The following ARIH1 variants were observed in gnomAD, a reference collection of about 807,000 sequenced individuals.
The protein encoded by ARIH1 is E3 ubiquitin-protein ligase ARIH1.
ARIH1 carries 8 observed loss-of-function variants against 85.0 expected under a neutral mutation model. That is an observed-to-expected ratio of 0.09 (90% CI 0.06 to 0.17). The LOEUF (loss-of-function observed/expected upper bound fraction) is 0.17, where lower values mean the gene tolerates loss of function less well. ARIH1 is among the 10% of genes least tolerant of loss of function. The pLI is 1.00. For synonymous variants in ARIH1, 238 were observed against 253.6 expected, an observed-to-expected ratio of 0.94 and a Z score of 0.59; for missense variants, 311 against 718.1, an observed-to-expected ratio of 0.43 and a Z score of 6.48.
intron 10 of ARIH1, among the ~76,000 whole-genome samples, chr15:72,571,297 TTCTTCA>T (rs1476622733): frequency 2.0e-5 from 3 of 152,214 alleles, no homozygotes; most frequent in Admixed American, 1.3e-4. Context: ...GTAAATTTTA[TTCTTCA>T]TCTTCTCAAT....
Position 72,474,456 on chromosome 15 carries a change from C to A in ARIH1, c.-184C>A. On this transcript the variant is annotated 5_prime_UTR_variant, in exon 1 of 14. Coordinates refer to ENST00000379887, the MANE Select transcript of ARIH1 (RefSeq NM_005744.5). ...TCGCTCCCTCCCTCCCTCCTCCGCG[C>A]CCTCCCCGCCGCCACCAGCCGTCAA... 1.3e-6 allele frequency: 1 copy of A among 758,642 alleles called. No individual in the cohort carries two copies. The highest frequency in any genetic ancestry group is 2.0e-6 in the Non-Finnish European group (1 of 496,444). 47.0% of individuals were successfully genotyped at this position (758,642 alleles called of 1,614,324 possible).
In ARIH1 at chr15:72,593,355, G is replaced by A. The variant is rs900059166; in HGVS notation, c.*10063G>A. Reference sequence around the variant, plus strand: ...TATTCACTTATTGGGATCTTTCGATGAACAAATTTTTTTTATAAAATCCAC... The same window carrying A: ...TATTCACTTATTGGGATCTTTCGATAAACAAATTTTTTTTATAAAATCCAC... On this transcript the variant is annotated 3_prime_UTR_variant, in exon 14 of 14. Transcript: ENST00000379887. 4.6e-5 allele frequency: 7 copies of A among 152,016 alleles called. No homozygotes were observed. The highest frequency in any genetic ancestry group is 1.7e-4 in the African/African-American group (7 of 41,398). The allele number at this position is 152,016 out of a possible 1,614,324, so 9.4% of individuals were successfully genotyped here. A position where few individuals can be genotyped will look rare whatever the true frequency, so the allele number is the denominator to read the frequency against.
In ARIH1 at chr15:72,588,274, T is replaced by G. The variant is rs2064326336; in HGVS notation, c.*4982T>G. 2 of 152,190 alleles carry G rather than the reference T, an allele frequency of 1.3e-5. No individual in the cohort carries two copies. Among genetic ancestry groups the G allele is most frequent in the South Asian group, 4.1e-4 (2 of 4,824 alleles). The allele number at this position is 152,190 out of a possible 1,614,324, so 9.4% of individuals were successfully genotyped here. A position where few individuals can be genotyped will look rare whatever the true frequency, so the allele number is the denominator to read the frequency against. On this transcript the variant is annotated 3_prime_UTR_variant, in exon 14 of 14. Transcript: ENST00000379887. ...AAGAAAACCCGGCCATGGGCAGTTT[T>G]TTTTTCCCAGCTTCTACTAGTCTTG... is the stretch of plus-strand genomic sequence containing the variant.
chr15:72,589,821 AT>A lies in ARIH1; in HGVS notation c.*6534del, dbSNP rs1344063633. 5.9e-5 allele frequency: 9 copies of A among 151,838 alleles called. No individual in the cohort carries two copies. The highest frequency in any genetic ancestry group is 2.9e-5 in the Non-Finnish European group (2 of 67,936). 9.4% of individuals were successfully genotyped at this position (151,838 alleles called of 1,614,324 possible). On this transcript the variant is annotated 3_prime_UTR_variant, in exon 14 of 14. Coordinates refer to ENST00000379887, the MANE Select transcript of ARIH1 (RefSeq NM_005744.5). ...CAAATGCTTTGTTTCCATCTCGTTT[AT>A]TTTTATTTTTTATTTTTTTAAGAGA...
chr15:72,513,324 C>G (rs1290089581), intron 1 of ARIH1, among the ~76,000 whole-genome samples: 3 of 151,974 alleles, frequency 2.0e-5, no homozygotes. Flanking sequence ...TTAGTGGTTG[C>G]TCTAGGGAGT....
At chr15:72,566,959 G>A in intron 8 of ARIH1, 147 bp from the exon 9 acceptor site, 1 of 623,728 alleles carries the variant, frequency 1.6e-6, no homozygotes, top group East Asian at 2.9e-5. Flanking sequence ...GTAGCTATGG[G>A]ATTTCCCTGG....
chr15:72,510,736 C>CGAA (rs2063946767), intron 1 of ARIH1, among the ~76,000 whole-genome samples: 1 of 26,716 alleles, frequency 3.7e-5, no homozygotes. Flanking sequence ...GACTCTGACT[C>CGAA]AAAAAAAAAA....
intron 3 of ARIH1, among the ~76,000 whole-genome samples, chr15:72,550,320 A>G (rs2064148016): frequency 6.6e-6 from 1 of 152,250 alleles, no homozygotes; most frequent in Non-Finnish European, 1.5e-5. Flanking sequence ...TAGAAGTCAA[A>G]AAAGGTTGAG....
In ARIH1 at chr15:72,586,335, C is replaced by T. The variant is rs2064316652; in HGVS notation, c.*3043C>T. ...TTAATGTAACAAATTATTTTAGCTA[C>T]AAACCCCGGTAATAGAGCACTTGGG... On this transcript the variant is annotated 3_prime_UTR_variant, in exon 14 of 14. Transcript: ENST00000379887. The T allele has an allele frequency of 6.6e-6, 1 of 152,026 alleles. No homozygotes were observed. 9.4% of individuals were successfully genotyped at this position (152,026 alleles called of 1,614,324 possible). A position where few individuals can be genotyped will look rare whatever the true frequency, so the allele number is the denominator to read the frequency against.
chr15:72,553,945 T>C (rs1459422655), intron 3 of ARIH1, among the ~76,000 whole-genome samples: 1 of 152,072 alleles, frequency 6.6e-6, no homozygotes, highest in East Asian at 1.9e-4. Flanking sequence ...ATGTGATCTT[T>C]TATGACTGGC....
intron 3 of ARIH1, 109 bp from the exon 4 acceptor site, chr15:72,555,162 C>A: frequency 1.4e-6 from 1 of 732,078 alleles, no homozygotes; most frequent in Non-Finnish European, 2.3e-6. Flanking sequence ...TCAAATTGGA[C>A]ATTTTAGCCA....
At chr15:72,566,958 G>A in intron 8 of ARIH1, 148 bp from the exon 9 acceptor site, 2 of 621,036 alleles carry the variant, frequency 3.2e-6, no homozygotes, top group East Asian at 2.9e-5. Flanking sequence ...TGTAGCTATG[G>A]GATTTCCCTG....
chr15:72,566,326 C>T (rs1304724410), intron 7 of ARIH1: 4 of 444,942 alleles, frequency 9.0e-6, no homozygotes, highest in African/African-American at 2.1e-5. Flanking sequence ...GTCATCAAAG[C>T]GTGTCTTCAT....
chr15:72,575,999 G>A (rs2064269410), intron 11 of ARIH1, among the ~76,000 whole-genome samples: 1 of 152,130 alleles, frequency 6.6e-6, no homozygotes, highest in Non-Finnish European at 1.5e-5. Flanking sequence ...AGCTTGAGGT[G>A]TGCACCACCG....
At position 72,582,116 on chromosome 15, in the gene ARIH1, G is replaced by A. The variant is rs372712543; in HGVS notation, c.1518G>A (p.Ser506=). 28 of 1,613,352 alleles carry A rather than the reference G, an allele frequency of 1.7e-5. No homozygotes were observed. Among genetic ancestry groups the A allele is most frequent in the South Asian group, 5.5e-5 (5 of 91,046 alleles). The change falls in exon 13 of 14, where the codon TCG becomes TCA. Residue 506 remains serine (S), a synonymous_variant. Transcript: ENST00000379887. The surrounding 1 kb of genome is among the most constrained non-coding windows in gnomAD (Gnocchi z 4.6). ...ADLENATEVL[S]GYLERDISQD... ...TAGAGAATGCCACAGAGGTGCTCTC[G>A]GGCTACCTTGAACGAGATATTTCCC...
At position 72,600,725 on chromosome 15, in the gene ARIH1, A is replaced by T. The variant is rs76574205; in HGVS notation, c.*17433A>T. ...AAGAGATTGTTCTAATTATGTATAT[A>T]ATTAAAGTACATTAGGTTTAGTGAT... is the stretch of plus-strand genomic sequence containing the variant. On this transcript the variant is annotated 3_prime_UTR_variant, in exon 14 of 14. Coordinates refer to ENST00000379887, the MANE Select transcript of ARIH1 (RefSeq NM_005744.5). 2 of 152,326 alleles carry T rather than the reference A, an allele frequency of 1.3e-5. No homozygotes were observed. The highest frequency in any genetic ancestry group is 3.9e-4 in the East Asian group (2 of 5,188). The allele number at this position is 152,326 out of a possible 1,614,324, so 9.4% of individuals were successfully genotyped here. A position where few individuals can be genotyped will look rare whatever the true frequency, so the allele number is the denominator to read the frequency against.
chr15:72,513,722 T>TCCCTCCTTCCCTCCCTCCCCCTCC (rs2063960475), intron 1 of ARIH1, among the ~76,000 whole-genome samples: 1 of 17,176 alleles, frequency 5.8e-5, no homozygotes, highest in East Asian at 1.9e-3. Context: ...CCTCCCCCTG[T>TCCCTCCTTCCCTCCCTCCCCCTCC]CCCTCCTTCC....
intron 1 of ARIH1, among the ~76,000 whole-genome samples, chr15:72,491,196 G>A (rs1352751981): frequency 1.3e-5 from 2 of 152,046 alleles, no homozygotes; most frequent in Non-Finnish European, 2.9e-5. Flanking sequence ...ATCTACCTTA[G>A]CTGCCATTTC....
At chr15:72,502,139 C>CT (rs1293104810) in intron 1 of ARIH1, among the ~76,000 whole-genome samples, 1 of 152,114 alleles carries the variant, frequency 6.6e-6, no homozygotes, top group Non-Finnish European at 1.5e-5. Context: ...TCCATTATCT[C>CT]TCCCCACTTT....
Sources: gnomAD v4.1 joint callset for allele counts (sites outside exome capture counted in the v4.1 genomes callset) on GRCh38, gnomAD v4.1.1 for gene constraint, Gnocchi (gnomAD v3.1) non-coding constraint, MANE v1.5 for transcripts, NCBI Gene and HGNC (gene_info 2026-07-23, HGNC 2026-07-21) for gene names.